AGFG2: variants seen among roughly 807,000 people sequenced by gnomAD.
AGFG2 encodes the protein ArfGAP with FG repeats 2, also known as arf-GAP domain and FG repeat-containing protein 2.
AGFG2 carries 31 observed loss-of-function variants against 48.0 expected under a neutral mutation model. That is an observed-to-expected ratio of 0.65 (90% CI 0.49 to 0.87). The LOEUF is 0.87. Ranked by LOEUF, AGFG2 falls within the 40% of genes least tolerant of loss-of-function variation. The probability of loss-of-function intolerance (pLI) is 0.00; values close to 1 mark genes in which losing one functional copy is unlikely to be tolerated. For synonymous variants in AGFG2, 229 were observed against 260.8 expected (o/e 0.88, Z 1.18); for missense variants, 599 against 632.6 (o/e 0.95, Z 0.57).
chr7:100,563,059 C>A, intron 9 of AGFG2, 113 bp downstream of exon 9: 2 of 1,097,626 alleles, frequency 1.8e-6, no homozygotes, highest in Non-Finnish European at 2.6e-6. Context: ...AAGCAGACAG[C>A]CTGGTTCTTC....
In AGFG2 at chr7:100,539,233, C is replaced by G. The variant is rs1269491284; in HGVS notation, c.-114C>G. Reference sequence around the variant, plus strand: ...ACGGCGAAGTCTCCTGCGGATGCCGCCCGCTCCCGAGCTTCTGTCAGGGGA... The same window carrying G: ...ACGGCGAAGTCTCCTGCGGATGCCGGCCGCTCCCGAGCTTCTGTCAGGGGA... On this transcript the variant is annotated 5_prime_UTR_variant, in exon 1 of 12. Coordinates refer to ENST00000300176, the MANE Select transcript of AGFG2 (RefSeq NM_006076.5). 2 of 1,111,272 alleles carry G rather than the reference C, an allele frequency of 1.8e-6. No individual in the cohort carries two copies. Among genetic ancestry groups the G allele is most frequent in the African/African-American group, 3.2e-5 (2 of 61,662 alleles). The allele number at this position is 1,111,272 out of a possible 1,614,324, so 68.8% of individuals were successfully genotyped here.
intron 3 of AGFG2, among the ~76,000 whole-genome samples, chr7:100,552,824 A>G (rs1353107002): frequency 1.3e-5 from 2 of 152,122 alleles, no homozygotes; most frequent in Non-Finnish European, 2.9e-5. Flanking sequence ...AGCTGAGAAG[A>G]AGGAGTCTGA....
chr7:100,558,681 A>C (rs1800807354), intron 6 of AGFG2, among the ~76,000 whole-genome samples: 1 of 151,630 alleles, frequency 6.6e-6, no homozygotes, highest in Non-Finnish European at 1.5e-5. Context: ...AGCTGGGGCC[A>C]CAGGCACCCG....
intron 3 of AGFG2, among the ~76,000 whole-genome samples, chr7:100,550,996 G>A (rs1363491179): frequency 1.6e-5 from 2 of 125,196 alleles, no homozygotes; most frequent in East Asian, 5.0e-4. Flanking sequence ...CCAGTAACTG[G>A]GACTACAGGT....
chr7:100,547,567 G>A (rs891934555), intron 1 of AGFG2, among the ~76,000 whole-genome samples: 2 of 152,182 alleles, frequency 1.3e-5, no homozygotes, highest in Non-Finnish European at 2.9e-5. Flanking sequence ...TGCAAGGACA[G>A]GGGAACCTAT....
chr7:100,543,502 C>G (rs1800460912), intron 1 of AGFG2, among the ~76,000 whole-genome samples: 1 of 152,152 alleles, frequency 6.6e-6, no homozygotes, highest in South Asian at 2.1e-4. Flanking sequence ...CAGTGGGTTA[C>G]AAATATGTCT....
intron 6 of AGFG2, 67 bp downstream of exon 6, chr7:100,555,802 C>A: frequency 6.3e-7 from 1 of 1,583,522 alleles, no homozygotes. Flanking sequence ...CTATAAATCA[C>A]CATTCATATC....
In AGFG2 at chr7:100,560,808, C is replaced by CTTTTTT. The variant is rs66837050; in HGVS notation, c.878-1435_878-1430dup. Among the ~76,000 whole-genome samples the CTTTTTT allele has an allele frequency of 1.9e-4, 22 of 112,822 alleles. 1 individual carries two copies. The highest frequency in any genetic ancestry group is 4.7e-4 in the African/African-American group (13 of 27,538). The allele number at this position is 112,822 out of a possible 152,430, so 74.0% of individuals were successfully genotyped here. On this transcript the variant is annotated intron_variant, in intron 6 of 11. Transcript: ENST00000300176. Reference sequence around the variant, plus strand: ...AGTGCCTGGCATGTGGAAGATCTCCCTTTTTTTTTTTTTTTTTTTTTGAGA... The same window carrying CTTTTTT: ...AGTGCCTGGCATGTGGAAGATCTCCCTTTTTTTTTTTTTTTTTTTTTTTTTTTGAGA...
At chr7:100,546,684 T>A in intron 1 of AGFG2, among the ~76,000 whole-genome samples, 1 of 152,142 alleles carries the variant, frequency 6.6e-6, no homozygotes, top group East Asian at 1.9e-4. Context: ...ACAGGGACAA[T>A]GAGGTCTGGC....
rs73407316 is a variant in AGFG2 at position 100,548,996 on chromosome 7, C to T, written c.315+81C>T. 5.7e-3 allele frequency: 6,775 copies of T among 1,181,538 alleles called. 298 individuals are homozygous for T. In the African/African-American group the frequency reaches 0.091, roughly 16 times the overall value. 73.2% of individuals were successfully genotyped at this position (1,181,538 alleles called of 1,614,324 possible). On this transcript the variant is annotated intron_variant, in intron 2 of 11. Coordinates refer to ENST00000300176, the MANE Select transcript of AGFG2 (RefSeq NM_006076.5). The stretch of plus-strand genomic sequence containing the variant: ...GCCTCAAGATTGTAGGGAAACCTTA[C>T]GGTTTTATTTTTGGTTGAGTTTCTC...
intron 9 of AGFG2, 94 bp downstream of exon 9, chr7:100,563,040 TGTCAGGAGAAGCAGACA>T: frequency 7.8e-7 from 1 of 1,276,926 alleles, no homozygotes; most frequent in Non-Finnish European, 1.1e-6. Context: ...TGTCTCACGC[TGTCAGGAGAAGCAGACA>T]GCCTGGTTCT....
chr7:100,564,899 C>T (rs901985607), intron 11 of AGFG2, 33 bp from the exon 12 acceptor site: 2 of 1,610,834 alleles, frequency 1.2e-6, no homozygotes, highest in Admixed American at 3.3e-5. Context: ...TTCCTCTCCC[C>T]TAACTGGAAA....
intron 6 of AGFG2, among the ~76,000 whole-genome samples, chr7:100,560,149 A>T (rs184837304): frequency 5.3e-4 from 80 of 150,760 alleles, no homozygotes; most frequent in African/African-American, 1.9e-3. Context: ...CTCGGCTGGG[A>T]GAGTCAGTAG....
chr7:100,566,908 G>C lies in AGFG2; in HGVS notation c.*1917G>C, dbSNP rs1801020322. On this transcript the variant is annotated 3_prime_UTR_variant, in exon 12 of 12. Coordinates refer to ENST00000300176, the MANE Select transcript of AGFG2 (RefSeq NM_006076.5). ...GCTGGAATCTGTTATGGTGTATTAG[G>C]GGGAGGAGCCTTTCTGTTATTTCCC... 6.6e-6 allele frequency: 1 copy of C among 152,206 alleles called. No homozygotes were observed. The highest frequency in any genetic ancestry group is 6.6e-5 in the Admixed American group (1 of 15,266). The allele number at this position is 152,206 out of a possible 1,614,324, so 9.4% of individuals were successfully genotyped here. A position where few individuals can be genotyped will look rare whatever the true frequency, so the allele number is the denominator to read the frequency against.
At chr7:100,539,600 CGTGGGGGGACCCGGGGGCGGG>C in intron 1 of AGFG2, 33 bp downstream of exon 1, 2 of 142,142 alleles carry the variant, frequency 1.4e-5, no homozygotes, top group South Asian at 3.1e-4. Flanking sequence ...CCGAGGTCGG[CGTGGGGGGACCCGGGGGCGGG>C]GTGGGGAGGC....
At position 100,562,353 on chromosome 7, in the gene AGFG2, G is replaced by C. The variant is rs754136307; in HGVS notation, c.972G>C (p.Gly324=). The part of the protein sequence containing the change: ...LADVGSFLGP[G]VPAAGVPSSL... ...ACGTGGGCAGCTTCCTGGGACCCGG[G>C]GTGCCCGCTGCAGGTGTTCCTAGCA... Residue 324 remains glycine, a synonymous_variant, in exon 7 of 12, where the codon GGG becomes GGC. Transcript: ENST00000300176. The surrounding 1 kb of genome is among the most constrained non-coding windows in gnomAD (Gnocchi z 5.4). 1 of 1,614,046 alleles carries C rather than the reference G, an allele frequency of 6.2e-7. No homozygotes were observed. The highest frequency in any genetic ancestry group is 1.1e-5 in the South Asian group (1 of 91,078).
chr7:100,562,179 C>T lies in AGFG2; in HGVS notation c.878-80C>T, dbSNP rs1048956568. ...TGCCATGACTCCAATCCATCACCAC[C>T]ACCACCTCCATCTGCTCTCCTGCCC... On this transcript the variant is annotated intron_variant, in intron 6 of 11. Coordinates refer to ENST00000300176, the MANE Select transcript of AGFG2 (RefSeq NM_006076.5). This position sits in a 1 kb window ranked among gnomAD's most constrained non-coding sequence, Gnocchi z 5.4. The T allele has an allele frequency of 8.1e-5, 125 of 1,545,930 alleles. 1 individual carries two copies. The South Asian group carries it at 1.4e-3, about 18-fold the overall frequency.
chr7:100,562,595 C>G lies in AGFG2; in HGVS notation c.1000C>G (p.Leu334Val), dbSNP rs1800900010. 6.2e-7 allele frequency: 1 copy of G among 1,613,348 alleles called. No individual in the cohort carries two copies. Among genetic ancestry groups the G allele is most frequent in the Non-Finnish European group, 8.5e-7 (1 of 1,179,930 alleles). ...GACTTCTCTCTCCCCGTGTTGTAGC[C>G]TCTTCGGGATGGCTGGCCAGGTCCC... Reference protein sequence around the residue: ...GVPAAGVPSSLFGMAGQVPPL... With the variant: ...GVPAAGVPSSVFGMAGQVPPL... The change falls in exon 8 of 12, where the codon CTC (leucine) becomes GTC (valine). Residue 334 changes from leucine (L) to valine (V), a missense_variant and splice_region_variant. Physicochemically the swap from Leu to Val is conservative, Grantham distance 32. Coordinates refer to ENST00000300176, the MANE Select transcript of AGFG2 (RefSeq NM_006076.5). This position sits in a 1 kb window ranked among gnomAD's most constrained non-coding sequence, Gnocchi z 5.4.
chr7:100,562,316 A>G lies in AGFG2; in HGVS notation c.935A>G (p.Asn312Ser), dbSNP rs776230977. ...CCCCTGGCACCCGCCAGTCAGCCAA[A>G]CAGCCTCGCAGACGTGGGCAGCTTC... Reference protein sequence around the residue: ...ATPLAPASQPNSLADVGSFLG... With the variant: ...ATPLAPASQPSSLADVGSFLG... Residue 312 changes from asparagine (N) to serine (S), a missense_variant, in exon 7 of 12, where the codon AAC becomes AGC. Coordinates refer to ENST00000300176, the MANE Select transcript of AGFG2 (RefSeq NM_006076.5). The surrounding 1 kb of genome is among the most constrained non-coding windows in gnomAD (Gnocchi z 5.4). The G allele has an allele frequency of 6.2e-6, 10 of 1,614,016 alleles. No homozygotes were observed. The highest frequency in any genetic ancestry group is 3.3e-4 in the Middle Eastern group (2 of 6,062).
Sources: gnomAD v4.1 joint callset for allele counts (sites outside exome capture counted in the v4.1 genomes callset) on GRCh38, gnomAD v4.1.1 for gene constraint, Gnocchi (gnomAD v3.1) non-coding constraint, MANE v1.5 for transcripts, NCBI Gene and HGNC (gene_info 2026-07-23, HGNC 2026-07-21) for gene names.